ITSN1: variants seen among roughly 807,000 people sequenced by gnomAD.
ITSN1 encodes intersectin 1, also known as intersectin-1.
In ITSN1, 58 loss-of-function variants were observed where a neutral mutation model predicts 239.8. The ratio of observed to expected loss-of-function variants is 0.24; its 90% CI spans 0.20 to 0.30. The LOEUF is 0.30. Ranked by LOEUF, ITSN1 falls within the 10% of genes least tolerant of loss-of-function variation. The pLI is 1.00. For missense variants in ITSN1, 1,558 were observed against 2,103.3 expected, an observed-to-expected ratio of 0.74 and a Z score of 5.07; for synonymous variants, 780 against 770.8, an observed-to-expected ratio of 1.01 and a Z score of -0.20.
intron 26 of ITSN1, among the ~76,000 whole-genome samples, chr21:33,828,227 G>T (rs1387421164): frequency 6.6e-6 from 1 of 152,262 alleles, no homozygotes; most frequent in South Asian, 2.1e-4. Context: ...AGAACATCCA[G>T]TGCCAAATAG....
chr21:33,835,046 G>T (rs184545833), intron 28 of ITSN1, among the ~76,000 whole-genome samples: 1 of 152,312 alleles, frequency 6.6e-6, no homozygotes, highest in East Asian at 1.9e-4. Flanking sequence ...GTGAGGTCAG[G>T]GGGAGCAGAT....
intron 39 of ITSN1, 100 bp downstream of exon 39, chr21:33,886,560 G>A (rs747389467): frequency 3.0e-5 from 33 of 1,098,390 alleles, no homozygotes; most frequent in East Asian, 1.8e-4. Flanking sequence ...GGATTCCTTC[G>A]GTTTCCCTCC....
In ITSN1 at chr21:33,784,310, AACACACACACACACACACAC is replaced by A. The variant is rs58496273; in HGVS notation, c.1824+2202_1824+2221del. ...AAAGGGTGAAGCCCTGTCTCTACAA[AACACACACACACACACACAC>A]ACACACACACACACACACACACACT... is the stretch of plus-strand genomic sequence containing the variant. On this transcript the variant is annotated intron_variant, in intron 16 of 39. Coordinates refer to ENST00000381318, the MANE Select transcript of ITSN1 (RefSeq NM_003024.3). 5.2e-5 allele frequency among the ~76,000 whole-genome samples: 7 copies of A among 134,110 alleles called. No homozygotes were observed. The East Asian group carries it at 6.6e-4, about 13-fold the overall frequency. The allele number at this position is 134,110 out of a possible 152,430, so 88.0% of individuals were successfully genotyped here. A position where few individuals can be genotyped will look rare whatever the true frequency, so the allele number is the denominator to read the frequency against.
intron 32 of ITSN1, among the ~76,000 whole-genome samples, chr21:33,866,358 A>G (rs1981577945): frequency 1.3e-5 from 2 of 152,358 alleles, no homozygotes; most frequent in South Asian, 2.1e-4. Flanking sequence ...GCTGGGCGCC[A>G]TGGACCACCT....
At chr21:33,767,181 A>G (rs999843858) in intron 10 of ITSN1, among the ~76,000 whole-genome samples, 1 of 152,120 alleles carries the variant, frequency 6.6e-6, no homozygotes, top group Non-Finnish European at 1.5e-5. Context: ...AAAATAAAAT[A>G]AAATAAAATG....
At chr21:33,775,749 A>T (rs1333913618) in intron 14 of ITSN1, among the ~76,000 whole-genome samples, 2 of 152,212 alleles carry the variant, frequency 1.3e-5, no homozygotes, top group Non-Finnish European at 2.9e-5. Flanking sequence ...CTTTGGCTTT[A>T]CTGTGGTAAT....
chr21:33,646,841 G>A (rs1003503306), intron 1 of ITSN1, among the ~76,000 whole-genome samples: 4 of 152,094 alleles, frequency 2.6e-5, no homozygotes, highest in African/African-American at 9.7e-5. Flanking sequence ...TAAAAAAGAA[G>A]TTTCTTTGGT....
intron 34 of ITSN1, among the ~76,000 whole-genome samples, chr21:33,877,825 TTGTGTGTGTGTGTGTGTGTG>T (rs3835379): frequency 6.8e-6 from 1 of 147,206 alleles, no homozygotes; most frequent in Non-Finnish European, 1.5e-5. Context: ...TGTTTCTATT[TTGTGTGTGTGTGTGTGTGTG>T]TGTGTGTGTG....
At chr21:33,849,313 C>T (rs2075083754) in intron 29 of ITSN1, among the ~76,000 whole-genome samples, 2 of 151,850 alleles carry the variant, frequency 1.3e-5, no homozygotes, top group Admixed American at 1.3e-4. Flanking sequence ...TGCCTGTAAT[C>T]CCAACACTTT....
At chr21:33,741,772 G>A (rs2066864961) in intron 5 of ITSN1, among the ~76,000 whole-genome samples, 1 of 151,254 alleles carries the variant, frequency 6.6e-6, no homozygotes, top group Non-Finnish European at 1.5e-5. Flanking sequence ...GCGGGTGTCT[G>A]TAGTCCCAGC....
In ITSN1 at chr21:33,858,591, C is replaced by A. The variant is rs1979829296; in HGVS notation, c.3784-95C>A. On this transcript the variant is annotated intron_variant, in intron 30 of 39. Transcript: ENST00000381318. ...GGGCCTCTCAGCCAAGGTACAGACA[C>A]CTGAGCCCTTTCCCTGCTCTCAGCG... 9.2e-6 allele frequency: 7 copies of A among 758,456 alleles called. No homozygotes were observed. In the East Asian group the frequency reaches 1.8e-4, roughly 20 times the overall value. The allele number at this position is 758,456 out of a possible 1,614,324, so 47.0% of individuals were successfully genotyped here.
At chr21:33,820,704 A>G (rs1569249411) in intron 24 of ITSN1, among the ~76,000 whole-genome samples, 1 of 152,226 alleles carries the variant, frequency 6.6e-6, no homozygotes, top group African/African-American at 2.4e-5. Flanking sequence ...AATTTTTGCT[A>G]TTACCATGAA....
At chr21:33,832,046 C>T (rs566756294) in intron 27 of ITSN1, among the ~76,000 whole-genome samples, 2 of 152,286 alleles carry the variant, frequency 1.3e-5, no homozygotes, top group African/African-American at 4.8e-5. Context: ...GTCCTCCTTG[C>T]CTGCCAGGGG....
intron 1 of ITSN1, among the ~76,000 whole-genome samples, chr21:33,652,639 C>T (rs2088644253): frequency 6.6e-6 from 1 of 152,156 alleles, no homozygotes; most frequent in South Asian, 2.1e-4. Context: ...GTAAAAGGTA[C>T]TTGTTTCCTG....
chr21:33,729,642 A>G (rs1043750440), intron 4 of ITSN1, among the ~76,000 whole-genome samples: 2 of 152,204 alleles, frequency 1.3e-5, no homozygotes, highest in Non-Finnish European at 2.9e-5. Flanking sequence ...CAGTATTTAA[A>G]GGGAACAGGT....
chr21:33,685,616 TAAAA>T (rs933917476), intron 1 of ITSN1, among the ~76,000 whole-genome samples: 6 of 109,292 alleles, frequency 5.5e-5, no homozygotes, highest in African/African-American at 6.8e-5. Flanking sequence ...CCTTTTTGAG[TAAAA>T]AAAAAAAAAA....
At chr21:33,647,232 A>G (rs1444039252) in intron 1 of ITSN1, among the ~76,000 whole-genome samples, 1 of 152,214 alleles carries the variant, frequency 6.6e-6, no homozygotes, top group African/African-American at 2.4e-5. Flanking sequence ...TGAAATACAG[A>G]AAAGTATAAA....
intron 29 of ITSN1, among the ~76,000 whole-genome samples, chr21:33,847,216 C>T (rs2075014062): frequency 6.6e-6 from 1 of 152,210 alleles, no homozygotes; most frequent in Non-Finnish European, 1.5e-5. Context: ...GTCTGGCCTC[C>T]AGAGCTTCCT....
chr21:33,710,081 G>GTT (rs535357439), intron 1 of ITSN1, among the ~76,000 whole-genome samples: 91 of 131,326 alleles, frequency 6.9e-4, no homozygotes, highest in African/African-American at 1.6e-3. Flanking sequence ...ATTTTTTTTT[G>GTT]TTTTTTTTTT....
Sources: allele counts gnomAD v4.1 joint callset (sites outside exome capture counted in the v4.1 genomes callset), GRCh38; gene constraint gnomAD v4.1.1; transcripts MANE v1.5; gene names NCBI Gene and HGNC (gene_info 2026-07-23, HGNC 2026-07-21).